LRRC7: variants seen among roughly 807,000 people sequenced by gnomAD.
The protein encoded by LRRC7 is leucine rich repeat containing 7, also known as leucine-rich repeat-containing protein 7.
A neutral mutation model predicts 175.7 loss-of-function variants in LRRC7; 23 were observed. That is an observed-to-expected ratio of 0.13 (90% CI 0.09 to 0.19). The LOEUF (loss-of-function observed/expected upper bound fraction) is 0.19. Among genes scored for constraint, LRRC7 ranks in the 10% least tolerant of loss-of-function variants. The pLI is 1.00. For missense variants in LRRC7, 1,354 were observed against 1,904.7 expected (o/e 0.71, Z 5.38); for synonymous variants, 685 against 680.9 (o/e 1.01, Z -0.09).
At chr1:69,903,136 T>C (rs1185469297) in intron 7 of LRRC7, among the ~76,000 whole-genome samples, 2 of 152,232 alleles carry the variant, frequency 1.3e-5, no homozygotes, top group Non-Finnish European at 2.9e-5. Flanking sequence ...CAGAAAGTTA[T>C]CCTAAGTGAA....
intron 11 of LRRC7, among the ~76,000 whole-genome samples, chr1:70,011,011 A>G (rs944859743): frequency 1.3e-5 from 2 of 152,234 alleles, no homozygotes; most frequent in African/African-American, 2.4e-5. Context: ...CCGTATTGAC[A>G]GAGCTTTCTC....
At chr1:69,577,816 T>C (rs1397050542) in intron 1 of LRRC7, among the ~76,000 whole-genome samples, 2 of 152,192 alleles carry the variant, frequency 1.3e-5, no homozygotes, top group African/African-American at 4.8e-5. Context: ...GGTAGCGTGA[T>C]GCCTCCAGCT....
chr1:69,911,637 G>A (rs549988272), intron 7 of LRRC7, among the ~76,000 whole-genome samples: 13 of 152,266 alleles, frequency 8.5e-5, no homozygotes, highest in African/African-American at 2.9e-4. Flanking sequence ...TAGGTCATAA[G>A]TTCATGTCCT....
chr1:70,026,287 A>C (rs1175596914), intron 17 of LRRC7, among the ~76,000 whole-genome samples: 1 of 152,112 alleles, frequency 6.6e-6, no homozygotes, highest in East Asian at 1.9e-4. Context: ...GCTGGTTATA[A>C]AAAATAAAAT....
intron 7 of LRRC7, 23 bp from the exon 8 acceptor site, chr1:69,931,484 G>C (rs1428262594): frequency 6.2e-7 from 1 of 1,601,438 alleles, no homozygotes; most frequent in Non-Finnish European, 8.6e-7. Context: ...CCTCACAATA[G>C]TATTTTTCTC....
intron 7 of LRRC7, among the ~76,000 whole-genome samples, chr1:69,913,293 G>A (rs1245985608): frequency 6.6e-6 from 1 of 152,156 alleles, no homozygotes; most frequent in East Asian, 1.9e-4. Context: ...AAGCCAGTTT[G>A]ACTTTTTGTT....
intron 4 of LRRC7, among the ~76,000 whole-genome samples, chr1:69,807,644 T>C (rs1026584183): frequency 2.0e-5 from 3 of 152,260 alleles, no homozygotes; most frequent in Middle Eastern, 6.8e-3. Flanking sequence ...TTCTGGCTTG[T>C]ATGGTTTCTG....
chr1:69,962,912 A>G (rs528670199), intron 8 of LRRC7, among the ~76,000 whole-genome samples: 17 of 152,254 alleles, frequency 1.1e-4, no homozygotes, highest in African/African-American at 3.9e-4. Context: ...AATCTGTACA[A>G]CAAGTGCTCA....
intron 1 of LRRC7, among the ~76,000 whole-genome samples, chr1:69,675,183 T>G (rs1570301542): frequency 6.6e-6 from 1 of 152,312 alleles, no homozygotes; most frequent in East Asian, 1.9e-4. Flanking sequence ...CTCTTGCATA[T>G]CTGCTCATGA....
At chr1:70,077,839 G>A (rs1222808051) in intron 24 of LRRC7, among the ~76,000 whole-genome samples, 2 of 152,048 alleles carry the variant, frequency 1.3e-5, no homozygotes, top group Admixed American at 6.5e-5. Context: ...GCTCTCAAAT[G>A]TTTTCATTCA....
intron 4 of LRRC7, among the ~76,000 whole-genome samples, chr1:69,807,682 G>A (rs1677296315): frequency 6.6e-6 from 1 of 152,082 alleles, no homozygotes; most frequent in South Asian, 2.1e-4. Flanking sequence ...AGTCTGATGG[G>A]CTTCCCTTTG....
chr1:70,012,180 T>A (rs1300592151), intron 12 of LRRC7, among the ~76,000 whole-genome samples: 1 of 152,014 alleles, frequency 6.6e-6, no homozygotes, highest in Non-Finnish European at 1.5e-5. Context: ...CTAGGAAATA[T>A]CATTTAAAGT....
chr1:69,755,449 G>A (rs902851943), intron 2 of LRRC7, among the ~76,000 whole-genome samples: 1 of 144,860 alleles, frequency 6.9e-6, no homozygotes, highest in East Asian at 2.0e-4. Flanking sequence ...TATAAAAGGA[G>A]ACATCAGCAG....
chr1:69,939,005 ATATATATATC>A (rs1303148757), intron 8 of LRRC7, among the ~76,000 whole-genome samples: 1 of 97,914 alleles, frequency 1.0e-5, no homozygotes, highest in African/African-American at 3.5e-5. Context: ...TTATATATAT[ATATATATATC>A]TATATATATA....
intron 7 of LRRC7, among the ~76,000 whole-genome samples, chr1:69,894,553 T>G (rs1350806628): frequency 6.6e-6 from 1 of 152,198 alleles, no homozygotes; most frequent in Non-Finnish European, 1.5e-5. Context: ...ATACTTAACA[T>G]GTACAAATTC....
chr1:69,898,653 G>A (rs995066682), intron 7 of LRRC7, among the ~76,000 whole-genome samples: 29 of 145,014 alleles, frequency 2.0e-4, no homozygotes, highest in African/African-American at 7.2e-4. Context: ...AGTTTCTGTT[G>A]CTATCATCAC....
At chr1:69,746,854 C>A (rs932883022) in intron 2 of LRRC7, among the ~76,000 whole-genome samples, 4 of 152,122 alleles carry the variant, frequency 2.6e-5, no homozygotes, top group African/African-American at 9.6e-5. Context: ...ATGGCTTAAA[C>A]AACAGAAATT....
chr1:69,746,041 G>C (rs1313525491), intron 2 of LRRC7, among the ~76,000 whole-genome samples: 1 of 151,660 alleles, frequency 6.6e-6, no homozygotes. Context: ...CATTAGTAAA[G>C]TATCACCCAA....
Position 69,568,064 on chromosome 1 carries a change from C to T in LRRC7, c.-576C>T, listed in dbSNP as rs1403062973. 1.3e-5 allele frequency among the ~76,000 whole-genome samples: 2 copies of T among 152,120 alleles called. No individual in the cohort carries two copies. The highest frequency in any genetic ancestry group is 4.8e-5 in the African/African-American group (2 of 41,440). On this transcript the variant is annotated 5_prime_UTR_variant, in exon 1 of 27. Coordinates refer to ENST00000651989, the MANE Select transcript of LRRC7 (RefSeq NM_001370785.2). ...ACCTGCAGCCGCCCACTCGGGCCAC[C>T]GCCACCGCCTCCTGCAGTTGCGGAG...
Sources: allele counts gnomAD v4.1 joint callset (sites outside exome capture counted in the v4.1 genomes callset), GRCh38; gene constraint gnomAD v4.1.1; transcripts MANE v1.5; gene names NCBI Gene and HGNC (gene_info 2026-07-23, HGNC 2026-07-21).